Variants in BMAL1 observed in about 807,000 individuals in gnomAD.
BMAL1 encodes the protein basic helix-loop-helix ARNT like 1.
the BMAL1 span, among the ~76,000 whole-genome samples, chr11:13,364,106 A>G: frequency 6.6e-5 from 10 of 152,190 alleles, no homozygotes; most frequent in African/African-American, 1.7e-4. Flanking sequence ...AAAGCCTCAA[A>G]AACACTTCCA....
chr11:13,363,635 A>G, the BMAL1 span, among the ~76,000 whole-genome samples: 2,255 of 152,310 alleles, frequency 0.015, 61 homozygotes, highest in African/African-American at 0.051. Flanking sequence ...TGCTTTCAAA[A>G]TATCTTTAAT....
At chr11:13,290,629 C>A in the BMAL1 span, among the ~76,000 whole-genome samples, 1 of 151,766 alleles carries the variant, frequency 6.6e-6, no homozygotes, top group Non-Finnish European at 1.5e-5. Context: ...CTACCATATG[C>A]CAGCAACTGT....
chr11:13,348,164 A>G, the BMAL1 span, among the ~76,000 whole-genome samples: 1 of 152,182 alleles, frequency 6.6e-6, no homozygotes, highest in Non-Finnish European at 1.5e-5. Context: ...GGAAAGCAGG[A>G]GTTTATCAGG....
chr11:13,378,342 C>G, the BMAL1 span: 4 of 1,608,502 alleles, frequency 2.5e-6, no homozygotes, highest in Non-Finnish European at 3.4e-6. Context: ...TGTAGGTGGC[C>G]CAAAGAGGAC....
At chr11:13,370,837 G>A in the BMAL1 span, among the ~76,000 whole-genome samples, 3 of 152,076 alleles carry the variant, frequency 2.0e-5, no homozygotes, top group South Asian at 2.1e-4. Flanking sequence ...TGCAGCCCCC[G>A]ACCCTGCCAC....
the BMAL1 span, chr11:13,374,253 A>C: frequency 6.6e-7 from 1 of 1,523,972 alleles, no homozygotes; most frequent in Non-Finnish European, 9.1e-7. Flanking sequence ...CCTTGCTTCT[A>C]GACTAGTCAA....
the BMAL1 span, among the ~76,000 whole-genome samples, chr11:13,364,305 T>G: frequency 6.6e-6 from 1 of 152,234 alleles, no homozygotes; most frequent in Non-Finnish European, 1.5e-5. Context: ...CTGAGTAGCC[T>G]GCCAGGGTCT....
the BMAL1 span, among the ~76,000 whole-genome samples, chr11:13,346,386 G>T: frequency 6.6e-6 from 1 of 152,198 alleles, no homozygotes; most frequent in Non-Finnish European, 1.5e-5. Flanking sequence ...AAAGGAGAGA[G>T]TCACTTGGTC....
the BMAL1 span, among the ~76,000 whole-genome samples, chr11:13,289,456 A>G: frequency 6.6e-6 from 1 of 152,194 alleles, no homozygotes; most frequent in African/African-American, 2.4e-5. Flanking sequence ...ATAGGTATAC[A>G]TGTGCCATGT....
At chr11:13,328,377 T>G in the BMAL1 span, among the ~76,000 whole-genome samples, 2 of 152,082 alleles carry the variant, frequency 1.3e-5, no homozygotes, top group Non-Finnish European at 2.9e-5. Context: ...AAGGTATGGG[T>G]TTGGGAGAAG....
chr11:13,385,820 G>A, the BMAL1 span: 7 of 1,533,798 alleles, frequency 4.6e-6, no homozygotes, highest in Non-Finnish European at 5.4e-6. Flanking sequence ...CGTTTCCATT[G>A]CAATGAGCTT....
chr11:13,356,832 A>C, the BMAL1 span: 1 of 1,613,460 alleles, frequency 6.2e-7, no homozygotes. Context: ...TTTTCTTTGC[A>C]CTGTTACACA....
chr11:13,344,615 A>G, the BMAL1 span, among the ~76,000 whole-genome samples: 3 of 152,338 alleles, frequency 2.0e-5, no homozygotes, highest in South Asian at 6.2e-4. Context: ...GGTTCAGGGC[A>G]TCTGCTGTCA....
At chr11:13,332,315 CAATT>C in the BMAL1 span, among the ~76,000 whole-genome samples, 37 of 152,092 alleles carry the variant, frequency 2.4e-4, no homozygotes, top group Non-Finnish European at 4.0e-4. Flanking sequence ...AGATAGCAAA[CAATT>C]AGTTTGTACA....
At chr11:13,319,307 A>G in the BMAL1 span, among the ~76,000 whole-genome samples, 37 of 152,308 alleles carry the variant, frequency 2.4e-4, no homozygotes, top group African/African-American at 8.4e-4. Context: ...TGCTGTGGAA[A>G]TTTTTGTGCA....
the BMAL1 span, among the ~76,000 whole-genome samples, chr11:13,373,142 G>A: frequency 1.3e-5 from 2 of 152,190 alleles, no homozygotes; most frequent in East Asian, 3.9e-4. Context: ...CATCATCACA[G>A]AAAGTCTTGT....
At chr11:13,370,946 C>T in the BMAL1 span, among the ~76,000 whole-genome samples, 53 of 152,326 alleles carry the variant, frequency 3.5e-4, no homozygotes, top group African/African-American at 1.1e-3. Flanking sequence ...AATTTCTTCC[C>T]TCTCCCCATG....
chr11:13,309,829 C>T, the BMAL1 span, among the ~76,000 whole-genome samples: 1 of 152,126 alleles, frequency 6.6e-6, no homozygotes, highest in African/African-American at 2.4e-5. Flanking sequence ...GCCTGGAACA[C>T]TGGGGAGGCT....
At chr11:13,317,332 T>C in the BMAL1 span, among the ~76,000 whole-genome samples, 1 of 152,204 alleles carries the variant, frequency 6.6e-6, no homozygotes, top group African/African-American at 2.4e-5. Context: ...TGGAGCACAA[T>C]TTTATGATGT....
Sources: gnomAD v4.1 joint callset for allele counts (sites outside exome capture counted in the v4.1 genomes callset) on GRCh38, gnomAD v4.1.1 for gene constraint, MANE v1.5 for transcripts, NCBI Gene and HGNC (gene_info 2026-07-23, HGNC 2026-07-21) for gene names.